PIK3C2A: variants seen among roughly 807,000 people sequenced by gnomAD.
PIK3C2A encodes the protein phosphatidylinositol-4-phosphate 3-kinase catalytic subunit type 2 alpha, also known as phosphatidylinositol 4-phosphate 3-kinase C2 domain-containing subunit alpha.
PIK3C2A carries 97 observed loss-of-function variants against 204.5 expected under a neutral mutation model. That is an observed-to-expected ratio of 0.47 (90% CI 0.40 to 0.56). PIK3C2A has a LOEUF of 0.56. PIK3C2A is among the 20% of genes least tolerant of loss of function. The pLI is 0.00. For synonymous variants in PIK3C2A, 653 were observed against 664.4 expected (o/e 0.98, Z 0.26); for missense variants, 1,735 against 1,969.2 (o/e 0.88, Z 2.25).
chr11:17,093,440 G>C (rs1469262865), intron 28 of PIK3C2A, among the ~76,000 whole-genome samples: 1 of 151,866 alleles, frequency 6.6e-6, no homozygotes, highest in Non-Finnish European at 1.5e-5. Context: ...CTAATTTTTT[G>C]TATTTTTTAG....
At chr11:17,191,514 A>G (rs1358768882) in intron 1 of PIK3C2A, among the ~76,000 whole-genome samples, 5 of 152,208 alleles carry the variant, frequency 3.3e-5, no homozygotes, top group African/African-American at 1.2e-4. Flanking sequence ...CTCCTGACTT[A>G]ATGGGGAGCG....
intron 5 of PIK3C2A, among the ~76,000 whole-genome samples, chr11:17,147,976 G>T (rs1185320752): frequency 2.0e-5 from 3 of 152,126 alleles, no homozygotes; most frequent in Admixed American, 2.0e-4. Flanking sequence ...CCAGCACTTT[G>T]GGAGGCCGAG....
intron 1 of PIK3C2A, among the ~76,000 whole-genome samples, chr11:17,171,031 A>G (rs1851138595): frequency 6.6e-6 from 1 of 152,162 alleles, no homozygotes; most frequent in Non-Finnish European, 1.5e-5. Flanking sequence ...TGAACCCGGG[A>G]GGCGGAGCTT....
chr11:17,153,802 GA>G (rs1850496065), intron 3 of PIK3C2A, among the ~76,000 whole-genome samples: 1 of 152,114 alleles, frequency 6.6e-6, no homozygotes, highest in Non-Finnish European at 1.5e-5. Flanking sequence ...AAAAAGCAAA[GA>G]ACTGGCTCTC....
chr11:17,149,255 C>T lies in PIK3C2A; in HGVS notation c.1328-468G>A, dbSNP rs1458698710. ...ATTGTATGCCTGTATCAAAACATCA[C>T]GTTACCCTTTCCCTTTGATACTTTA... On this transcript the variant is annotated intron_variant, in intron 4 of 32. Transcript: ENST00000691414. 4.6e-5 allele frequency among the ~76,000 whole-genome samples: 7 copies of T among 152,060 alleles called. No homozygotes were observed. The East Asian group carries it at 5.8e-4, about 13-fold the overall frequency.
chr11:17,090,353 G>A (rs935175602), intron 32 of PIK3C2A, among the ~76,000 whole-genome samples: 5 of 152,186 alleles, frequency 3.3e-5, no homozygotes, highest in African/African-American at 4.8e-5. Flanking sequence ...TGTAATCCCA[G>A]CTACTCAGGA....
rs780672615 is a variant in PIK3C2A, at chr11:17,148,744, C to A, written c.1371G>T (p.Trp457Cys). 78 of 1,611,862 alleles carry A rather than the reference C, an allele frequency of 4.8e-5. No individual in the cohort carries two copies. Among genetic ancestry groups the A allele is most frequent in the Non-Finnish European group, 6.2e-5 (73 of 1,178,370 alleles). ...CTACTTGATTCAAGTCATCATGTAC[C>A]CAGCAAAGGGCTTGCATTATAATGA... ...VEIIIMQALC[W>C]VHDDLNQVDV... Residue 457 changes from tryptophan to cysteine, a missense_variant, in exon 5 of 33, where the codon TGG becomes TGT. Trp to Cys is a radical substitution (Grantham distance 215, BLOSUM62 -2). Transcript: ENST00000691414.
In PIK3C2A at chr11:17,092,041, G is replaced by C. The variant is rs1848326494; in HGVS notation, c.4597C>G (p.Pro1533Ala). 6.2e-7 allele frequency: 1 copy of C among 1,611,100 alleles called. No individual in the cohort carries two copies. Among genetic ancestry groups the C allele is most frequent in the African/African-American group, 1.3e-5 (1 of 74,838 alleles). Residue 1533 changes from proline (P) to alanine (A), a missense_variant, in exon 30 of 33, where the codon CCT (proline) becomes GCT (alanine). By Grantham distance (27) the Pro-to-Ala change is conservative. This residue lies in a region of PIK3C2A where 503 missense variants were observed against 669.0 expected (regional missense o/e 0.75). Transcript: ENST00000691414. ...ECDLVCTFFH[P>A]LLRDEKAEGI... ...TCAGCTTTCTCATCACGAAGTAAAG[G>C]GTGGAAGAAAGTACAAACAAGATCA...
chr11:17,102,604 CTT>C (rs1379851073), intron 24 of PIK3C2A, 56 bp downstream of exon 24: 3 of 1,415,644 alleles, frequency 2.1e-6, no homozygotes, highest in African/African-American at 1.4e-5. Flanking sequence ...TTGAGACAAA[CTT>C]TAATTTGTGA....
intron 13 of PIK3C2A, among the ~76,000 whole-genome samples, chr11:17,126,050 G>C (rs1200589693): frequency 6.6e-6 from 1 of 152,054 alleles, no homozygotes; most frequent in Non-Finnish European, 1.5e-5. Context: ...CTTGAACCTA[G>C]GAGGCAGAGG....
chr11:17,155,494 C>CA, intron 3 of PIK3C2A, 32 bp downstream of exon 3: 2 of 1,274,486 alleles, frequency 1.6e-6, no homozygotes, highest in Non-Finnish European at 2.2e-6. Context: ...GTGAATTTTT[C>CA]AAATGAACAT....
intron 19 of PIK3C2A, among the ~76,000 whole-genome samples, chr11:17,116,283 T>G (rs1166367960): frequency 6.6e-6 from 1 of 152,078 alleles, no homozygotes; most frequent in Admixed American, 6.6e-5. Context: ...AATAAACATA[T>G]GAGAATGTGC....
In PIK3C2A at chr11:17,110,513, T is replaced by C. The variant is rs142162847; in HGVS notation, c.3463A>G (p.Ile1155Val). ...QDMLALQMIK[I>V]MDKIWLKEGL... ...TCTTTAAGCCAGATCTTATCCATAA[T>C]CTTTATCATCTGTAAAGCTAACATA... The change falls in exon 22 of 33, where the codon ATT becomes GTT. Residue 1155 changes from isoleucine (I) to valine (V), a missense_variant. Physicochemically the swap from Ile to Val is conservative, Grantham distance 29. Transcript: ENST00000691414. 24 of 1,610,616 alleles carry C rather than the reference T, an allele frequency of 1.5e-5. No homozygotes were observed. In the African/African-American group the frequency reaches 1.9e-4, roughly 13 times the overall value.
chr11:17,204,453 C>T (rs1336816291), intron 1 of PIK3C2A: 2 of 152,062 alleles, frequency 1.3e-5, no homozygotes, highest in African/African-American at 4.8e-5. Flanking sequence ...CAGAGCAGGG[C>T]CTAGAACCTG....
Position 17,168,909 on chromosome 11 carries a change from T to A in PIK3C2A, c.833A>T (p.Lys278Met). The change falls in exon 2 of 33, where the codon AAG (lysine) becomes ATG (methionine). Residue 278 changes from lysine to methionine, a missense_variant. Physicochemically the swap from Lys to Met is moderately conservative, Grantham distance 95. Transcript: ENST00000691414. ...FDWLDLDPLS[K>M]PKVDNVEVLD... ...TACCTCCACATTATCCACCTTAGGC[T>A]TACTTAGAGGATCCAAGTCTAACCA... is the stretch of plus-strand genomic sequence containing the variant. 1 of 1,613,992 alleles carries A rather than the reference T, an allele frequency of 6.2e-7. No individual in the cohort carries two copies. Among genetic ancestry groups the A allele is most frequent in the Non-Finnish European group, 8.5e-7 (1 of 1,179,864 alleles).
chr11:17,105,418 G>A (rs547691144), intron 22 of PIK3C2A, 113 bp from the exon 23 acceptor site: 13 of 838,860 alleles, frequency 1.5e-5, no homozygotes, highest in Middle Eastern at 2.6e-4. Flanking sequence ...TGGGATACAC[G>A]TGCAGAATGT....
chr11:17,136,439 C>T (rs767011306), intron 9 of PIK3C2A, 43 bp downstream of exon 9: 6 of 1,457,994 alleles, frequency 4.1e-6, no homozygotes, highest in Non-Finnish European at 5.7e-6. Context: ...TGTTTAAGTA[C>T]ATATTTGCAT....
intron 1 of PIK3C2A, among the ~76,000 whole-genome samples, chr11:17,192,857 T>C (rs1364035067): frequency 2.6e-5 from 4 of 152,248 alleles, no homozygotes; most frequent in Admixed American, 2.0e-4. Flanking sequence ...AAAACAACTA[T>C]GGTTTTAATG....
At chr11:17,206,572 G>A (rs1430985986) in intron 1 of PIK3C2A, among the ~76,000 whole-genome samples, 1 of 150,386 alleles carries the variant, frequency 6.6e-6, no homozygotes, top group Non-Finnish European at 1.5e-5. Flanking sequence ...GCGACACAGT[G>A]AGACCCCATG....
Sources: gnomAD v4.1 joint callset for allele counts (sites outside exome capture counted in the v4.1 genomes callset) on GRCh38, gnomAD v4.1.1 for gene constraint, gnomAD v4.1.1 regional missense constraint, MANE v1.5 for transcripts, NCBI Gene and HGNC (gene_info 2026-07-23, HGNC 2026-07-21) for gene names.